The following BCLAF3 variants were observed in gnomAD, a reference collection of about 807,000 sequenced individuals.
The protein encoded by BCLAF3 is BCLAF1 and THRAP3 family member 3.
A neutral mutation model predicts 51.2 loss-of-function variants in BCLAF3; 24 were observed. That is an observed-to-expected ratio of 0.47 (90% CI 0.34 to 0.66). The LOEUF (loss-of-function observed/expected upper bound fraction) is 0.66. Ranked by LOEUF, BCLAF3 falls within the 30% of genes least tolerant of loss-of-function variation. The pLI is 0.01. For synonymous variants in BCLAF3, 152 were observed against 176.6 expected (o/e 0.86, Z 1.10); for missense variants, 465 against 525.1 (o/e 0.89, Z 1.12).
In BCLAF3 at chrX:19,990,922, C is replaced by CCCGCCGCCGCCGCCGCCGCCG. The variant is rs748679368; in HGVS notation, c.-70_-50dup. ...GAGCCGCTCACCCGGCCGGGAAGCCCCCGCCGCCGCCGCCGCCGCCGCCGC... is the reference window on the plus strand; with the variant it reads ...GAGCCGCTCACCCGGCCGGGAAGCCCCCGCCGCCGCCGCCGCCGCCGCCGCCGCCGCCGCCGCCGCCGCCGC... On this transcript the variant is annotated 5_prime_UTR_variant, in exon 1 of 12. Coordinates refer to ENST00000379682, the MANE Select transcript of BCLAF3 (RefSeq NM_001367774.2). 2.2e-4 allele frequency among the ~76,000 whole-genome samples: 19 copies of CCCGCCGCCGCCGCCGCCGCCG among 84,585 alleles called. No homozygotes were observed. The highest frequency in any genetic ancestry group is 3.6e-4 in the African/African-American group (8 of 22,236). 73.5% of individuals were successfully genotyped at this position (84,585 alleles called of 115,157 possible). A position where few individuals can be genotyped will look rare whatever the true frequency, so the allele number is the denominator to read the frequency against.
chrX:19,969,667 C>T (rs1056690273), intron 2 of BCLAF3, among the ~76,000 whole-genome samples: 1 of 111,803 alleles, frequency 8.9e-6, no homozygotes, highest in African/African-American at 3.3e-5. Context: ...AGCCCAACCA[C>T]GTGCTTGCTG....
intron 8 of BCLAF3, among the ~76,000 whole-genome samples, chrX:19,948,809 A>C (rs542070553): frequency 2.7e-5 from 3 of 109,702 alleles, no homozygotes; most frequent in South Asian, 7.9e-4. Flanking sequence ...GATTATATGA[A>C]ATGTCAGGAT....
chrX:19,920,161 G>A (rs1262572809), intron 11 of BCLAF3, among the ~76,000 whole-genome samples: 2 of 111,871 alleles, frequency 1.8e-5, no homozygotes, highest in Non-Finnish European at 3.8e-5. Context: ...AACTTCCCAG[G>A]GTGGTAATGT....
intron 8 of BCLAF3, among the ~76,000 whole-genome samples, chrX:19,938,374 A>G (rs1212759329): frequency 9.0e-6 from 1 of 111,174 alleles, no homozygotes; most frequent in East Asian, 2.8e-4. Context: ...TCTCCCCAAC[A>G]GGCACACTGA....
At chrX:19,965,840 T>TAGAATTGG in intron 3 of BCLAF3, 134 bp from the exon 4 acceptor site, 1 of 688,664 alleles carries the variant, frequency 1.5e-6, no homozygotes, top group East Asian at 3.4e-5. Context: ...TTAAGCCAAT[T>TAGAATTGG]CTATAGGCAC....
intron 1 of BCLAF3, 65 bp from the exon 2 acceptor site, chrX:19,970,363 G>A (rs953491911): frequency 6.0e-6 from 6 of 1,001,746 alleles, no homozygotes; most frequent in African/African-American, 3.7e-5. Flanking sequence ...AAAACATAGC[G>A]AATGCTGCCA....
At chrX:19,958,472 AG>A (rs1253014681) in intron 4 of BCLAF3, among the ~76,000 whole-genome samples, 1 of 112,460 alleles carries the variant, frequency 8.9e-6, no homozygotes, top group Non-Finnish European at 1.9e-5. Context: ...GTTCATATAA[AG>A]CACTTTCCCA....
intron 7 of BCLAF3, among the ~76,000 whole-genome samples, chrX:19,951,539 T>C (rs1421257829): frequency 1.1e-5 from 1 of 95,234 alleles, no homozygotes; most frequent in African/African-American, 4.4e-5. Flanking sequence ...GAGGTTGCAG[T>C]GAGCTGAGAT....
intron 4 of BCLAF3, among the ~76,000 whole-genome samples, chrX:19,963,527 C>G (rs1397791902): frequency 8.9e-6 from 1 of 111,794 alleles, no homozygotes; most frequent in African/African-American, 3.2e-5. Context: ...GACTAAAATG[C>G]AAATAAAATT....
At chrX:19,965,961 A>C in intron 3 of BCLAF3, 119 bp downstream of exon 3, 2 of 710,164 alleles carry the variant, frequency 2.8e-6, no homozygotes, top group Non-Finnish European at 4.2e-6. Context: ...TTAAATTACA[A>C]TGCTTTTTGT....
intron 1 of BCLAF3, among the ~76,000 whole-genome samples, chrX:19,973,006 T>C (rs184950678): frequency 7.5e-4 from 84 of 112,271 alleles, no homozygotes; most frequent in African/African-American, 2.7e-3. Flanking sequence ...AGAAGTGGAA[T>C]TACTGGGTCA....
chrX:19,920,868 A>C (rs757908786), intron 11 of BCLAF3, among the ~76,000 whole-genome samples: 1 of 111,002 alleles, frequency 9.0e-6, no homozygotes, highest in South Asian at 3.8e-4. Flanking sequence ...AGAATTTGAT[A>C]ATCTATTTGG....
Position 19,966,101 on chromosome X carries a change from G to C in BCLAF3, c.590C>G (p.Thr197Arg). 8.3e-7 allele frequency: 1 copy of C among 1,208,907 alleles called. No individual in the cohort carries two copies. Among genetic ancestry groups the C allele is most frequent in the Non-Finnish European group, 1.1e-6 (1 of 894,272 alleles). The change falls in exon 3 of 12, where the codon ACA (threonine) becomes AGA (arginine). Residue 197 changes from threonine (T) to arginine (R), a missense_variant. Physicochemically the swap from Thr to Arg is moderately conservative, Grantham distance 71. Coordinates refer to ENST00000379682, the MANE Select transcript of BCLAF3 (RefSeq NM_001367774.2). ...ATACCTCTTCTGAAATGAGCTCCTTGTCTCAAAGTCTTCAGAGCCTCTTCT... is the reference window on the plus strand; with the variant it reads ...ATACCTCTTCTGAAATGAGCTCCTTCTCTCAAAGTCTTCAGAGCCTCTTCT... ...STRRGSEDFE[T>R]RSSFQKRYPE...
intron 4 of BCLAF3, among the ~76,000 whole-genome samples, chrX:19,957,356 T>C (rs1489228792): frequency 8.9e-6 from 1 of 111,964 alleles, no homozygotes; most frequent in Non-Finnish European, 1.9e-5. Context: ...GCTCTCTGTT[T>C]AAGGGGGTCT....
At chrX:19,957,902 T>A (rs1260990562) in intron 4 of BCLAF3, among the ~76,000 whole-genome samples, 2 of 112,073 alleles carry the variant, frequency 1.8e-5, no homozygotes, top group Non-Finnish European at 3.8e-5. Flanking sequence ...GTTCTAAATA[T>A]TTATATTTGT....
intron 8 of BCLAF3, among the ~76,000 whole-genome samples, chrX:19,945,378 T>C (rs1050562356): frequency 3.7e-5 from 4 of 107,493 alleles, no homozygotes; most frequent in Non-Finnish European, 7.7e-5. Context: ...AGTTTTTCTG[T>C]TCTGTTTTTT....
chrX:19,955,437 T>C lies in BCLAF3; in HGVS notation c.1404A>G (p.Thr468=), dbSNP rs1450339267. The C allele has an allele frequency of 5.8e-6, 7 of 1,202,122 alleles. No homozygotes were observed. The change falls in exon 5 of 12, where the codon ACA becomes ACG. Residue 468 remains threonine, a synonymous_variant. Transcript: ENST00000379682. ...DSTQNTENKP[T]GEFAQEIITI... is the part of the protein sequence containing the mutation. ...TTATGATTTCCTGAGCAAATTCTCC[T>C]GTAGGTTTGTTTTCAGTATTCTGAG...
In BCLAF3 at chrX:19,953,761, T is replaced by C. The variant is rs770258885; in HGVS notation, c.1565+17A>G. 1.2e-5 allele frequency: 14 copies of C among 1,123,289 alleles called. No individual in the cohort carries two copies. The East Asian group carries it at 2.7e-4, about 22-fold the overall frequency. The allele number at this position is 1,123,289 out of a possible 1,213,427, so 92.6% of individuals were successfully genotyped here. On this transcript the variant is annotated intron_variant, in intron 6 of 11. Transcript: ENST00000379682. ...CCCCATTAGTTAAATGGGTATAATA[T>C]GGTAATCAATCATTACCTGTGTATT...
intron 8 of BCLAF3, among the ~76,000 whole-genome samples, chrX:19,941,723 T>C (rs2071058279): frequency 9.3e-6 from 1 of 107,605 alleles, no homozygotes; most frequent in Non-Finnish European, 1.9e-5. Context: ...CCAGCTTTGT[T>C]CTTTTAGCTT....
Sources: allele counts gnomAD v4.1 joint callset (sites outside exome capture counted in the v4.1 genomes callset), GRCh38; gene constraint gnomAD v4.1.1; transcripts MANE v1.5; gene names NCBI Gene and HGNC (gene_info 2026-07-23, HGNC 2026-07-21).